The following SV2C variants were observed in gnomAD, a reference collection of about 807,000 sequenced individuals.
SV2C encodes the protein solute carrier family 22 member B3.
SV2C carries 49 observed loss-of-function variants against 79.7 expected under a neutral mutation model. The ratio of observed to expected loss-of-function variants is 0.61; its 90% CI spans 0.49 to 0.78. The LOEUF (loss-of-function observed/expected upper bound fraction) is 0.78, where lower values mean the gene tolerates loss of function less well. Among genes scored for constraint, SV2C ranks in the 30% least tolerant of loss-of-function variants. The pLI is 0.00. For missense variants in SV2C, 833 were observed against 912.9 expected (o/e 0.91, Z 1.13); for synonymous variants, 334 against 333.2 (o/e 1.00, Z -0.03).
At chr5:76,235,448 C>T (rs1175164243) in intron 4 of SV2C, among the ~76,000 whole-genome samples, 1 of 152,108 alleles carries the variant, frequency 6.6e-6, no homozygotes, top group Non-Finnish European at 1.5e-5. Flanking sequence ...GAAGCTGGGA[C>T]ATTTGCAGTA....
the SV2C span, among the ~76,000 whole-genome samples, chr5:75,881,399 A>AT: frequency 1.3e-5 from 2 of 152,168 alleles, no homozygotes; most frequent in Non-Finnish European, 2.9e-5. Flanking sequence ...GTTAGCTATT[A>AT]TTTTTTACTA....
chr5:75,868,702 A>G, the SV2C span, among the ~76,000 whole-genome samples: 1 of 152,104 alleles, frequency 6.6e-6, no homozygotes, highest in Non-Finnish European at 1.5e-5. Context: ...TTGAGAAGGG[A>G]ATTGGAGTTG....
At position 76,327,831 on chromosome 5, in the gene SV2C, T is replaced by C. The variant is rs1389923786; in HGVS notation, c.*2284T>C. The C allele has an allele frequency of 6.6e-6, 1 of 152,216 alleles. No homozygotes were observed. The highest frequency in any genetic ancestry group is 1.5e-5 in the Non-Finnish European group (1 of 68,036). 9.4% of individuals were successfully genotyped at this position (152,216 alleles called of 1,614,324 possible). A position where few individuals can be genotyped will look rare whatever the true frequency, so the allele number is the denominator to read the frequency against. On this transcript the variant is annotated 3_prime_UTR_variant, in exon 13 of 13. Coordinates refer to ENST00000502798, the MANE Select transcript of SV2C (RefSeq NM_014979.4). Reference sequence around the variant, plus strand: ...AGCTGCAGAGCACAGTTATTCAGAATTTTATTTGAACACTGGGTTGGGTCA... The same window carrying C: ...AGCTGCAGAGCACAGTTATTCAGAACTTTATTTGAACACTGGGTTGGGTCA...
chr5:76,259,216 G>T (rs1044393984), intron 4 of SV2C, among the ~76,000 whole-genome samples: 1 of 152,170 alleles, frequency 6.6e-6, no homozygotes, highest in Non-Finnish European at 1.5e-5. Context: ...CCAGGATGGG[G>T]ATTGCTGGGT....
intron 2 of SV2C, among the ~76,000 whole-genome samples, chr5:76,150,756 G>A (rs940022125): frequency 7.1e-6 from 1 of 141,418 alleles, no homozygotes; most frequent in African/African-American, 2.6e-5. Flanking sequence ...TCCCACCTCA[G>A]CCTCCTGAGT....
chr5:76,319,273 C>T (rs547256526), intron 12 of SV2C, among the ~76,000 whole-genome samples: 1 of 151,766 alleles, frequency 6.6e-6, no homozygotes, highest in African/African-American at 2.4e-5. Flanking sequence ...CAAAAAATTG[C>T]CCGTGTGCGG....
chr5:76,032,805 C>A, the SV2C span, among the ~76,000 whole-genome samples: 2 of 152,106 alleles, frequency 1.3e-5, no homozygotes, highest in African/African-American at 2.4e-5. Context: ...TAGCTCTAGA[C>A]CCCGGAAAAT....
chr5:75,848,732 G>T, the SV2C span, among the ~76,000 whole-genome samples: 3 of 152,098 alleles, frequency 2.0e-5, no homozygotes, highest in Non-Finnish European at 2.9e-5. Context: ...AGAGGAGGTG[G>T]TAAGTCTGAG....
chr5:76,124,638 A>G (rs1748641731), intron 1 of SV2C, among the ~76,000 whole-genome samples: 1 of 152,212 alleles, frequency 6.6e-6, no homozygotes, highest in Non-Finnish European at 1.5e-5. Flanking sequence ...TAGAGGTGGA[A>G]TTCCTAGATT....
intron 1 of SV2C, among the ~76,000 whole-genome samples, chr5:76,115,814 G>A (rs1462661197): frequency 2.0e-5 from 3 of 152,118 alleles, no homozygotes; most frequent in African/African-American, 7.2e-5. Flanking sequence ...GGCCCTTACT[G>A]TGGCTCTCAA....
chr5:76,306,010 G>A (rs1748181770), intron 12 of SV2C, among the ~76,000 whole-genome samples: 1 of 152,108 alleles, frequency 6.6e-6, no homozygotes, highest in Admixed American at 6.6e-5. Flanking sequence ...CATCTCATTA[G>A]CCTACAAAAG....
At chr5:76,043,626 G>A in the SV2C span, among the ~76,000 whole-genome samples, 1 of 152,146 alleles carries the variant, frequency 6.6e-6, no homozygotes, top group Non-Finnish European at 1.5e-5. Flanking sequence ...TTGTTTTGAG[G>A]TGAAATAGCA....
upstream of SV2C, chr5:76,079,679 C>T: frequency 3.0e-6 from 1 of 333,248 alleles, no homozygotes; most frequent in Non-Finnish European, 6.0e-6. Context: ...CCTGTATTGC[C>T]TTGTGGAATT....
At chr5:76,127,680 A>G (rs1172072399) in intron 1 of SV2C, among the ~76,000 whole-genome samples, 2 of 152,188 alleles carry the variant, frequency 1.3e-5, no homozygotes, top group Non-Finnish European at 2.9e-5. Flanking sequence ...CAGCACCTTC[A>G]GAGGATTGCC....
the SV2C span, among the ~76,000 whole-genome samples, chr5:76,015,083 G>C: frequency 6.6e-6 from 1 of 152,110 alleles, no homozygotes; most frequent in Admixed American, 6.6e-5. Flanking sequence ...TTTGGCTAAG[G>C]CTGTGTAGAG....
chr5:76,147,316 C>T (rs2112221809), intron 2 of SV2C, among the ~76,000 whole-genome samples: 1 of 125,620 alleles, frequency 8.0e-6, no homozygotes, highest in African/African-American at 2.6e-5. Context: ...GGAGGGCTCA[C>T]TCTTCCTGTG....
chr5:76,314,519 T>G (rs1748557324), intron 12 of SV2C, among the ~76,000 whole-genome samples: 1 of 152,174 alleles, frequency 6.6e-6, no homozygotes, highest in Admixed American at 6.5e-5. Flanking sequence ...AGCTGGATAA[T>G]TTGGAAAAGG....
chr5:75,870,711 A>G, the SV2C span, among the ~76,000 whole-genome samples: 1 of 152,218 alleles, frequency 6.6e-6, no homozygotes, highest in Non-Finnish European at 1.5e-5. Context: ...GTCTCAAGGC[A>G]TTTAATAATC....
chr5:75,984,564 T>TCTATCTAC, the SV2C span, among the ~76,000 whole-genome samples: 4 of 57,896 alleles, frequency 6.9e-5, no homozygotes, highest in Non-Finnish European at 2.1e-4. Flanking sequence ...TATCTATCTA[T>TCTATCTAC]CTATATCTAT....
Sources: gnomAD v4.1 joint callset for allele counts (sites outside exome capture counted in the v4.1 genomes callset) on GRCh38, gnomAD v4.1.1 for gene constraint, MANE v1.5 for transcripts, NCBI Gene and HGNC (gene_info 2026-07-23, HGNC 2026-07-21) for gene names.